The following NAA15 variants were observed in gnomAD, a reference collection of about 807,000 sequenced individuals.
NAA15 encodes N-terminal acetyltransferase.
In NAA15, 34 loss-of-function variants were observed where a neutral mutation model predicts 114.0. The observed-to-expected ratio is 0.30, with a 90% CI of 0.23 to 0.40. The LOEUF (loss-of-function observed/expected upper bound fraction) is 0.40, where lower values mean the gene tolerates loss of function less well. Among genes scored for constraint, NAA15 ranks in the 10% least tolerant of loss-of-function variants. NAA15 has a pLI of 1.00. For missense variants in NAA15, 658 were observed against 1,004.5 expected, an observed-to-expected ratio of 0.66 and a Z score of 4.66; for synonymous variants, 340 against 338.0, an observed-to-expected ratio of 1.01 and a Z score of -0.06.
At chr4:139,350,777 T>C (rs1274706036) in intron 7 of NAA15, among the ~76,000 whole-genome samples, 2 of 152,154 alleles carry the variant, frequency 1.3e-5, no homozygotes, top group Non-Finnish European at 2.9e-5. Context: ...GAAGTACCAA[T>C]TAGGAATCTG....
chr4:139,307,311 C>G (rs935734267), intron 1 of NAA15, among the ~76,000 whole-genome samples: 1 of 152,238 alleles, frequency 6.6e-6, no homozygotes, highest in Non-Finnish European at 1.5e-5. Context: ...CTCTATCACA[C>G]AGTCTGGAGT....
chr4:139,378,738 T>TA lies in NAA15; in HGVS notation c.2057-17dup. 6.7e-7 allele frequency: 1 copy of TA among 1,486,654 alleles called. No individual in the cohort carries two copies. The highest frequency in any genetic ancestry group is 9.1e-7 in the Non-Finnish European group (1 of 1,099,122). 92.1% of individuals were successfully genotyped at this position (1,486,654 alleles called of 1,614,324 possible). On this transcript the variant is annotated splice_polypyrimidine_tract_variant and intron_variant, in intron 16 of 19. Coordinates refer to ENST00000296543, the MANE Select transcript of NAA15 (RefSeq NM_057175.5). ...CTTATCCAATGATCAAAATATATCT[T>TA]ACTTTCTCTTTTTATAGAAAAGTTT...
intron 14 of NAA15, among the ~76,000 whole-genome samples, chr4:139,366,986 A>G (rs1170562042): frequency 1.3e-5 from 2 of 152,216 alleles, no homozygotes; most frequent in Non-Finnish European, 2.9e-5. Context: ...CATTAGCTTA[A>G]AGTTCAGAAT....
In NAA15 at chr4:139,360,493, T is replaced by C. The variant is rs1748099757; in HGVS notation, c.1411-7T>C. The C allele has an allele frequency of 6.5e-7, 1 of 1,541,240 alleles. No homozygotes were observed. The highest frequency in any genetic ancestry group is 1.4e-5 in the African/African-American group (1 of 71,304). ...AGTGATCTTGAAAATATTTGATTTCTGTATAGGAAGGAACATCAGCGGTAG... is the reference window on the plus strand; with the variant it reads ...AGTGATCTTGAAAATATTTGATTTCCGTATAGGAAGGAACATCAGCGGTAG... On this transcript the variant is annotated splice_polypyrimidine_tract_variant and splice_region_variant and intron_variant, in intron 12 of 19. Coordinates refer to ENST00000296543, the MANE Select transcript of NAA15 (RefSeq NM_057175.5).
Position 139,301,594 on chromosome 4 carries a change from G to GA in NAA15, c.-178dup. On this transcript the variant is annotated 5_prime_UTR_variant, in exon 1 of 20. Transcript: ENST00000296543. ...GCGGCGGCAGCGTTAAGTGAGAAAG[G>GA]AAAAAAGACAACGAGGAAAAAGGAG... 1 of 654,810 alleles carries GA rather than the reference G, an allele frequency of 1.5e-6. No homozygotes were observed. The highest frequency in any genetic ancestry group is 2.6e-6 in the Non-Finnish European group (1 of 389,894). 40.6% of individuals were successfully genotyped at this position (654,810 alleles called of 1,614,324 possible). A position where few individuals can be genotyped will look rare whatever the true frequency, so the allele number is the denominator to read the frequency against.
intron 1 of NAA15, among the ~76,000 whole-genome samples, chr4:139,330,763 A>T (rs1010250236): frequency 2.6e-5 from 4 of 152,184 alleles, no homozygotes; most frequent in Admixed American, 6.6e-5. Context: ...GGAGCCTGTG[A>T]TTGAGACACT....
chr4:139,383,668 G>A (rs1019720454), intron 17 of NAA15, among the ~76,000 whole-genome samples: 78 of 152,112 alleles, frequency 5.1e-4, no homozygotes, highest in African/African-American at 1.6e-3. Context: ...ACGGGGTTTC[G>A]CCATGTTGGC....
intron 1 of NAA15, among the ~76,000 whole-genome samples, chr4:139,321,626 C>G (rs1746615622): frequency 6.6e-6 from 1 of 150,822 alleles, no homozygotes. Flanking sequence ...CACCCGCCAC[C>G]ACGCCTGGCT....
At position 139,301,660 on chromosome 4, in the gene NAA15, G is replaced by C; in HGVS notation, c.-118G>C. The C allele has an allele frequency of 8.3e-7, 1 of 1,209,318 alleles. No homozygotes were observed. The allele number at this position is 1,209,318 out of a possible 1,614,324, so 74.9% of individuals were successfully genotyped here. A position where few individuals can be genotyped will look rare whatever the true frequency, so the allele number is the denominator to read the frequency against. On this transcript the variant is annotated 5_prime_UTR_variant, in exon 1 of 20. Transcript: ENST00000296543. ...AACGCGGCGACACCCGAGGCCTGGT[G>C]GTGGCGGCGGATCGAGATATTCAAG...
chr4:139,328,829 G>C (rs115618187), intron 1 of NAA15, among the ~76,000 whole-genome samples: 2,264 of 150,822 alleles, frequency 0.015, 52 homozygotes, highest in African/African-American at 0.051. Flanking sequence ...GCCTCCCAGC[G>C]TGTTGGGATT....
At chr4:139,370,175 G>C in intron 14 of NAA15, 36 bp from the exon 15 acceptor site, 3 of 1,412,098 alleles carry the variant, frequency 2.1e-6, no homozygotes, top group Non-Finnish European at 2.8e-6. Context: ...TGATTAACAT[G>C]CTTGTTAATT....
At chr4:139,353,249 C>T (rs1015680337) in intron 9 of NAA15, among the ~76,000 whole-genome samples, 1 of 152,078 alleles carries the variant, frequency 6.6e-6, no homozygotes, top group African/African-American at 2.4e-5. Flanking sequence ...GAAAACAAAA[C>T]AGTCTTAGTA....
At chr4:139,376,538 C>A in intron 16 of NAA15, 65 bp downstream of exon 16, 1 of 960,304 alleles carries the variant, frequency 1.0e-6, no homozygotes. Flanking sequence ...TATAGTCACC[C>A]AACTCTGATA....
chr4:139,315,870 TCTC>T (rs1746394336), intron 1 of NAA15, among the ~76,000 whole-genome samples: 1 of 151,674 alleles, frequency 6.6e-6, no homozygotes, highest in African/African-American at 2.4e-5. Context: ...TCTTAGTCTC[TCTC>T]TTTTTTAAAA....
At chr4:139,356,380 T>C (rs1391471754) in intron 10 of NAA15, 1 of 152,216 alleles carries the variant, frequency 6.6e-6, no homozygotes, top group Non-Finnish European at 1.5e-5. Context: ...GGACCCTGGG[T>C]GCATATTGCT....
At chr4:139,358,553 TTTTTAAAA>T (rs1748036945) in intron 11 of NAA15, among the ~76,000 whole-genome samples, 1 of 152,066 alleles carries the variant, frequency 6.6e-6, no homozygotes, top group African/African-American at 2.4e-5. Flanking sequence ...ATTTTTAGAT[TTTTTAAAA>T]AAATTATACT....
In NAA15 at chr4:139,351,513, T is replaced by A; in HGVS notation, c.916T>A (p.Phe306Ile). Residue 306 changes from phenylalanine (F) to isoleucine (I), a missense_variant, in exon 9 of 20, where the codon TTT becomes ATT. This residue lies in a region of NAA15 where 281 missense variants were observed against 389.1 expected (regional missense o/e 0.72). Coordinates refer to ENST00000296543, the MANE Select transcript of NAA15 (RefSeq NM_057175.5). ...GATTTTTCTCTTCCAAGGTGAGAAG[T>A]TTAAAGAATGTTTGGATAAGTTCCT... is the stretch of plus-strand genomic sequence containing the variant. ...LPLNFLSGEK[F>I]KECLDKFLRM... The A allele has an allele frequency of 6.3e-7, 1 of 1,590,182 alleles. No individual in the cohort carries two copies. Among genetic ancestry groups the A allele is most frequent in the South Asian group, 1.1e-5 (1 of 90,192 alleles).
chr4:139,331,431 G>GT (rs1160333791), intron 1 of NAA15, among the ~76,000 whole-genome samples: 3 of 150,138 alleles, frequency 2.0e-5, no homozygotes, highest in South Asian at 2.1e-4. Flanking sequence ...TATATCACAA[G>GT]TTTTTTTTTC....
Position 139,357,572 on chromosome 4 carries a change from CTA to C in NAA15, c.1257+19_1257+20del. 6.6e-7 allele frequency: 1 copy of C among 1,509,984 alleles called. No individual in the cohort carries two copies. The highest frequency in any genetic ancestry group is 9.1e-7 in the Non-Finnish European group (1 of 1,103,026). The allele number at this position is 1,509,984 out of a possible 1,614,324, so 93.5% of individuals were successfully genotyped here. ...ATCTATAAGGTAAAAATCTTTTTTT[CTA>C]TTTTCTTATAAGGTAATGAGACTTG... On this transcript the variant is annotated intron_variant, in intron 11 of 19. Coordinates refer to ENST00000296543, the MANE Select transcript of NAA15 (RefSeq NM_057175.5).
Sources: allele counts gnomAD v4.1 joint callset (sites outside exome capture counted in the v4.1 genomes callset), GRCh38; gene constraint gnomAD v4.1.1; regional missense constraint gnomAD v4.1.1; transcripts MANE v1.5; gene names NCBI Gene and HGNC (gene_info 2026-07-23, HGNC 2026-07-21).